Variants in MYH14 observed in about 807,000 individuals in gnomAD.
MYH14 encodes the protein myosin-14.
In MYH14, 123 loss-of-function variants were observed where a neutral mutation model predicts 255.5. The ratio of observed to expected loss-of-function variants is 0.48; its 90% CI spans 0.42 to 0.56. MYH14 has a LOEUF of 0.56. Among genes scored for constraint, MYH14 ranks in the 20% least tolerant of loss-of-function variants. MYH14 has a pLI of 0.00. For missense variants in MYH14, 2,423 were observed against 2,802.3 expected (o/e 0.86, Z 3.06); for synonymous variants, 1,095 against 1,161.2 (o/e 0.94, Z 1.16).
intron 10 of MYH14, among the ~76,000 whole-genome samples, 186 bp from the exon 11 acceptor site, chr19:50,244,056 G>A (rs933784288): frequency 4.0e-5 from 6 of 150,786 alleles, no homozygotes; most frequent in East Asian, 2.0e-4. Context: ...TGATCCTCCC[G>A]CCTCGGCCTC....
intron 2 of MYH14, 35 bp from the exon 3 acceptor site, chr19:50,217,580 C>A (rs2032549195): frequency 6.2e-7 from 1 of 1,613,732 alleles, no homozygotes; most frequent in South Asian, 1.1e-5. Context: ...CCGTGGGCAG[C>A]CATCTGAGAC....
chr19:50,242,673 C>A (rs773781773), intron 10 of MYH14, among the ~76,000 whole-genome samples: 1 of 152,120 alleles, frequency 6.6e-6, no homozygotes, highest in Non-Finnish European at 1.5e-5. Context: ...AACTGTTCTA[C>A]AATGAACAGC....
chr19:50,246,641 C>CAAAACAAAACA (rs1283023229), intron 11 of MYH14, among the ~76,000 whole-genome samples: 1 of 139,404 alleles, frequency 7.2e-6, no homozygotes, highest in African/African-American at 2.7e-5. Flanking sequence ...CAAAACAAAA[C>CAAAACAAAACA]AAACAAAAAA....
intron 39 of MYH14, among the ~76,000 whole-genome samples, chr19:50,298,459 A>T (rs28788487): frequency 6.6e-6 from 1 of 152,006 alleles, no homozygotes; most frequent in Non-Finnish European, 1.5e-5. Context: ...CACAGGTACA[A>T]ATTCCCTTGA....
chr19:50,254,415 C>G (rs1375594691), intron 16 of MYH14, among the ~76,000 whole-genome samples: 1 of 152,108 alleles, frequency 6.6e-6, no homozygotes, highest in Non-Finnish European at 1.5e-5. Context: ...AGGAACAGAA[C>G]CAGATTATGC....
At position 50,223,958 on chromosome 19, in the gene MYH14, G is replaced by A. The variant is rs552577348; in HGVS notation, c.694-196G>A. On this transcript the variant is annotated intron_variant, in intron 5 of 42. Transcript: ENST00000642316. ...CCCCATCGCTACAAAAAACATTTTT[G>A]AATAAAGGAGGTAGAGTGGGATTCA... Among the ~76,000 whole-genome samples the A allele has an allele frequency of 2.6e-5, 4 of 152,160 alleles. 1 individual carries two copies. The East Asian group carries it at 7.7e-4, about 29-fold the overall frequency.
Position 50,301,791 on chromosome 19 carries a change from G to T in MYH14, c.5600G>T (p.Arg1867Leu). ...CTGGGTGAGGAGGATGCTGGGGCCCGTGCCCGCCACAAGATGACCATTGCT... is the reference window on the plus strand; with the variant it reads ...CTGGGTGAGGAGGATGCTGGGGCCCTTGCCCGCCACAAGATGACCATTGCT... ...GRLGEEDAGARARHKMTIAAL... is the reference protein window; with the variant it reads ...GRLGEEDAGALARHKMTIAAL... Residue 1867 changes from arginine to leucine, a missense_variant, in exon 40 of 43, where the codon CGT becomes CTT. This residue lies in a region of MYH14 where 1,513 missense variants were observed against 1,674.8 expected (regional missense o/e 0.90). Transcript: ENST00000642316. 2 of 1,612,292 alleles carry T rather than the reference G, an allele frequency of 1.2e-6. No individual in the cohort carries two copies. The highest frequency in any genetic ancestry group is 1.7e-6 in the Non-Finnish European group (2 of 1,178,788).
At chr19:50,224,671 G>C (rs1027542504) in intron 6 of MYH14, among the ~76,000 whole-genome samples, 1 of 152,192 alleles carries the variant, frequency 6.6e-6, no homozygotes, top group Non-Finnish European at 1.5e-5. Flanking sequence ...CTGACACCAA[G>C]GGGGCTGGAG....
At position 50,278,834 on chromosome 19, in the gene MYH14, C is replaced by T. The variant is rs1366575533; in HGVS notation, c.4032+545C>T. Among the ~76,000 whole-genome samples the T allele has an allele frequency of 6.8e-5, 9 of 132,886 alleles. No individual in the cohort carries two copies. In the South Asian group the frequency reaches 2.2e-3, roughly 32 times the overall value. The allele number at this position is 132,886 out of a possible 152,430, so 87.2% of individuals were successfully genotyped here. A position where few individuals can be genotyped will look rare whatever the true frequency, so the allele number is the denominator to read the frequency against. ...TACTAAAAAAAAAAAAAAAAAAACACAAAATTAGCCGGGCGTGATGGCGCA... is the reference window on the plus strand; with the variant it reads ...TACTAAAAAAAAAAAAAAAAAAACATAAAATTAGCCGGGCGTGATGGCGCA... On this transcript the variant is annotated intron_variant, in intron 30 of 42. Coordinates refer to ENST00000642316, the MANE Select transcript of MYH14 (RefSeq NM_001145809.2).
In MYH14 at chr19:50,231,996, G is replaced by A; in HGVS notation, c.1040G>A (p.Gly347Asp). 6.2e-7 allele frequency: 1 copy of A among 1,613,836 alleles called. No homozygotes were observed. Among genetic ancestry groups the A allele is most frequent in the Non-Finnish European group, 8.5e-7 (1 of 1,179,910 alleles). Residue 347 changes from glycine to aspartate, a missense_variant, in exon 10 of 43, where the codon GGC (glycine) becomes GAC (aspartate). Transcript: ENST00000642316. ...ACCAACGGGCCGTCATCCTCTCCCGGCCAGGAGCGGGAACTCTTCCAGGAG... is the reference window on the plus strand; with the variant it reads ...ACCAACGGGCCGTCATCCTCTCCCGACCAGGAGCGGGAACTCTTCCAGGAG... ...FLTNGPSSSP[G>D]QERELFQETL...
intron 39 of MYH14, among the ~76,000 whole-genome samples, chr19:50,300,144 G>A (rs2036431464): frequency 6.6e-6 from 1 of 152,124 alleles, no homozygotes. Context: ...TAGGAGTAGT[G>A]CATGAAAGGG....
intron 39 of MYH14, among the ~76,000 whole-genome samples, chr19:50,299,896 G>T (rs145211863): frequency 5.7e-4 from 87 of 152,296 alleles, no homozygotes; most frequent in Middle Eastern, 3.4e-3. Context: ...AGTGAGCCGA[G>T]ATCGTGCCAC....
chr19:50,207,257 A>AAAGAGAGAGAG (rs2031827405), intron 1 of MYH14, among the ~76,000 whole-genome samples: 1 of 26,976 alleles, frequency 3.7e-5, no homozygotes, highest in Non-Finnish European at 7.5e-5. Context: ...GAGAGAGAGA[A>AAAGAGAGAGAG]AGAGAGAGAG....
At position 50,215,264 on chromosome 19, in the gene MYH14, GGGGCCGGGGCGCC is replaced by G. The variant is rs2032415388; in HGVS notation, c.406-2348_406-2336del. Reference sequence around the variant, plus strand: ...TGGGTTCCTCCGCCAGCCAGGAGTGGGGGCCGGGGCGCCGGCAGCCATGAGATACCCTCCCAGG... The same window carrying G: ...TGGGTTCCTCCGCCAGCCAGGAGTGGGGCAGCCATGAGATACCCTCCCAGG... On this transcript the variant is annotated intron_variant, in intron 2 of 42. Coordinates refer to ENST00000642316, the MANE Select transcript of MYH14 (RefSeq NM_001145809.2). Among the ~76,000 whole-genome samples, 3 of 152,170 alleles carry G rather than the reference GGGGCCGGGGCGCC, an allele frequency of 2.0e-5. No homozygotes were observed. The South Asian group carries it at 6.2e-4, about 31-fold the overall frequency.
At chr19:50,248,789 T>G (rs2034236827) in intron 12 of MYH14, among the ~76,000 whole-genome samples, 198 bp from the exon 13 acceptor site, 1 of 152,238 alleles carries the variant, frequency 6.6e-6, no homozygotes, top group East Asian at 1.9e-4. Context: ...GAGCCCGTCA[T>G]GTAGTACCTG....
intron 10 of MYH14, among the ~76,000 whole-genome samples, chr19:50,240,093 G>C (rs1600915672): frequency 6.6e-6 from 1 of 152,222 alleles, no homozygotes; most frequent in East Asian, 1.9e-4. Flanking sequence ...AGAATCACAC[G>C]GTGTGCAGTT....
chr19:50,210,489 T>C lies in MYH14; in HGVS notation c.124T>C (p.Ser42Pro). 6.4e-7 allele frequency: 1 copy of C among 1,556,372 alleles called. No homozygotes were observed. The highest frequency in any genetic ancestry group is 1.2e-5 in the South Asian group (1 of 84,846). The change falls in exon 2 of 43, where the codon TCG (serine) becomes CCG (proline). Residue 42 changes from serine (S) to proline (P), a missense_variant. This residue lies in a region of MYH14 where 238 missense variants were observed against 245.8 expected (regional missense o/e 0.97). Coordinates refer to ENST00000642316, the MANE Select transcript of MYH14 (RefSeq NM_001145809.2). ...RGPSAGGGPG[S>P]GTSPQVEWTA... The stretch of plus-strand genomic sequence containing the variant: ...GCCCAGCGCGGGTGGCGGGCCTGGC[T>C]CGGGCACCTCCCCGCAGGTGGAGTG...
In MYH14 at chr19:50,268,148, A is replaced by G. The variant is rs1205615670; in HGVS notation, c.2827-13A>G. On this transcript the variant is annotated splice_polypyrimidine_tract_variant and intron_variant, in intron 23 of 42. Coordinates refer to ENST00000642316, the MANE Select transcript of MYH14 (RefSeq NM_001145809.2). The stretch of plus-strand genomic sequence containing the variant: ...ACTGCCTGCTGACCACTAACCTCCC[A>G]CACACTCCCCAGCTGGAAGAGGAGC... 12 of 1,539,544 alleles carry G rather than the reference A, an allele frequency of 7.8e-6. No homozygotes were observed. Among genetic ancestry groups the G allele is most frequent in the Non-Finnish European group, 1.0e-5 (12 of 1,144,840 alleles).
intron 18 of MYH14, chr19:50,258,741 A>AAAAACAAAAAAAAAAAAAC (rs761216499): frequency 6.9e-6 from 1 of 145,556 alleles, no homozygotes; most frequent in African/African-American, 2.8e-5. Flanking sequence ...AAAAAAAAAA[A>AAAAACAAAAAAAAAAAAAC]AAACGAACAA....
Sources: gnomAD v4.1 joint callset for allele counts (sites outside exome capture counted in the v4.1 genomes callset) on GRCh38, gnomAD v4.1.1 for gene constraint, gnomAD v4.1.1 regional missense constraint, MANE v1.5 for transcripts, NCBI Gene and HGNC (gene_info 2026-07-23, HGNC 2026-07-21) for gene names.